The following DAPK1 variants were observed in gnomAD, a reference collection of about 807,000 sequenced individuals.
The protein encoded by DAPK1 is death-associated protein kinase 1.
DAPK1 carries 56 observed loss-of-function variants against 144.9 expected under a neutral mutation model. The observed-to-expected ratio is 0.39, with a 90% CI of 0.31 to 0.48. The LOEUF is 0.48. DAPK1 is among the 20% of genes least tolerant of loss of function. The pLI is 0.95. For missense variants in DAPK1, 1,454 were observed against 1,875.4 expected (o/e 0.78, Z 4.15); for synonymous variants, 690 against 749.0 (o/e 0.92, Z 1.29).
chr9:87,679,924 C>G (rs914831028), intron 19 of DAPK1, among the ~76,000 whole-genome samples: 6 of 152,174 alleles, frequency 3.9e-5, no homozygotes, highest in Admixed American at 1.3e-4. Context: ...GACAGATGCT[C>G]TTGCTGGTCA....
At chr9:87,667,806 C>A (rs1396876704) in intron 18 of DAPK1, 1 of 151,972 alleles carries the variant, frequency 6.6e-6, no homozygotes, top group Non-Finnish European at 1.5e-5. Flanking sequence ...CAGAACAGCC[C>A]CTACATGTCC....
chr9:87,578,087 G>C (rs376405610), intron 2 of DAPK1, among the ~76,000 whole-genome samples: 60 of 152,276 alleles, frequency 3.9e-4, no homozygotes, highest in Non-Finnish European at 7.5e-4. Flanking sequence ...GATTTTAAAT[G>C]TAACTCATGC....
chr9:87,695,340 G>C (rs1489882733), intron 21 of DAPK1, among the ~76,000 whole-genome samples: 2 of 152,206 alleles, frequency 1.3e-5, no homozygotes, highest in African/African-American at 2.4e-5. Flanking sequence ...TAAGCACTGA[G>C]GGGTAAACGA....
At chr9:87,571,476 A>ACACACACCCCAACACACACAC (rs771023885) in intron 2 of DAPK1, among the ~76,000 whole-genome samples, 1 of 48,546 alleles carries the variant, frequency 2.1e-5, no homozygotes, top group African/African-American at 9.2e-5. Flanking sequence ...CACACACACC[A>ACACACACCCCAACACACACAC]ACACACACAC....
intron 2 of DAPK1, among the ~76,000 whole-genome samples, chr9:87,583,398 T>C (rs1827822470): frequency 1.3e-5 from 2 of 152,200 alleles, no homozygotes; most frequent in South Asian, 4.1e-4. Context: ...CACTCAGCAC[T>C]CTACCCTCAA....
chr9:87,640,708 A>G (rs533467154), intron 8 of DAPK1, 94 bp from the exon 9 acceptor site: 22 of 1,342,778 alleles, frequency 1.6e-5, no homozygotes, highest in Admixed American at 1.5e-4. Context: ...CATTTTCCAC[A>G]GTATCTGCTT....
chr9:87,700,759 C>A (rs1244636777), intron 24 of DAPK1, among the ~76,000 whole-genome samples: 1 of 152,078 alleles, frequency 6.6e-6, no homozygotes, highest in Non-Finnish European at 1.5e-5. Context: ...CCTCAGCCTC[C>A]CAAAGTGCTG....
In DAPK1 at chr9:87,646,544, C is replaced by T. The variant is rs773237491; in HGVS notation, c.1215C>T (p.Ile405=). Residue 405 remains isoleucine, a synonymous_variant, in exon 13 of 26, where the codon ATC becomes ATT. Transcript: ENST00000408954. Reference sequence around the variant, plus strand: ...TGCTCATTAAAAGAGGCTCGAGAATCGATGTCCAGGATAAGGTCATAATTG... The same window carrying T: ...TGCTCATTAAAAGAGGCTCGAGAATTGATGTCCAGGATAAGGTCATAATTG... ...LQLLIKRGSR[I]DVQDKGGSNA... 35 of 1,610,128 alleles carry T rather than the reference C, an allele frequency of 2.2e-5. No individual in the cohort carries two copies. The highest frequency in any genetic ancestry group is 2.9e-5 in the Non-Finnish European group (34 of 1,176,432).
At chr9:87,625,526 G>T (rs1829462185) in intron 3 of DAPK1, among the ~76,000 whole-genome samples, 1 of 152,222 alleles carries the variant, frequency 6.6e-6, no homozygotes, top group African/African-American at 2.4e-5. Context: ...ATGGGCTCAG[G>T]CGATCATCAG....
At chr9:87,695,541 G>A (rs1825225985) in intron 21 of DAPK1, among the ~76,000 whole-genome samples, 1 of 152,148 alleles carries the variant, frequency 6.6e-6, no homozygotes, top group Admixed American at 6.5e-5. Context: ...TGGGGAAATG[G>A]GCAGCCTTCA....
At chr9:87,574,465 A>G (rs569829488) in intron 2 of DAPK1, among the ~76,000 whole-genome samples, 201 of 152,322 alleles carry the variant, frequency 1.3e-3, no homozygotes, top group African/African-American at 4.8e-3. Flanking sequence ...ATATCACAGG[A>G]AGTTTGCAGT....
chr9:87,633,166 TG>T, intron 3 of DAPK1: 1 of 983,086 alleles, frequency 1.0e-6, no homozygotes, highest in Non-Finnish European at 1.2e-6. Context: ...TGAGTATATA[TG>T]TAGGGATGAA....
chr9:87,592,706 A>G (rs1174625319), intron 2 of DAPK1, among the ~76,000 whole-genome samples: 2 of 152,086 alleles, frequency 1.3e-5, no homozygotes, highest in Non-Finnish European at 2.9e-5. Context: ...GGGTGAGGTC[A>G]GCCTCGTGGC....
intron 2 of DAPK1, among the ~76,000 whole-genome samples, chr9:87,584,756 A>T (rs1827885135): frequency 6.6e-6 from 1 of 152,058 alleles, no homozygotes; most frequent in Non-Finnish European, 1.5e-5. Flanking sequence ...AGTTCACTGC[A>T]GTCTCCACCT....
At chr9:87,584,743 C>T (rs1158582855) in intron 2 of DAPK1, among the ~76,000 whole-genome samples, 1 of 152,088 alleles carries the variant, frequency 6.6e-6, no homozygotes, top group African/African-American at 2.4e-5. Flanking sequence ...GTGGCATGAT[C>T]TCAGTTCACT....
chr9:87,590,318 C>G (rs1280701891), intron 2 of DAPK1, among the ~76,000 whole-genome samples: 3 of 150,676 alleles, frequency 2.0e-5, no homozygotes, highest in Non-Finnish European at 2.9e-5. Flanking sequence ...AGCTTTGGTT[C>G]CACCTTAACA....
At chr9:87,687,266 A>G (rs1412801869) in intron 21 of DAPK1, among the ~76,000 whole-genome samples, 3 of 152,080 alleles carry the variant, frequency 2.0e-5, no homozygotes, top group African/African-American at 4.8e-5. Flanking sequence ...TAACCAACCT[A>G]TCTTCATTCC....
At chr9:87,543,513 A>C (rs73652033) in intron 2 of DAPK1, among the ~76,000 whole-genome samples, 3,483 of 152,350 alleles carry the variant, frequency 0.023, 134 homozygotes, top group African/African-American at 0.074. Context: ...AAAACAACAC[A>C]ATCAGCCAAA....
chr9:87,509,774 G>A (rs1000711035), intron 2 of DAPK1, among the ~76,000 whole-genome samples: 1 of 152,230 alleles, frequency 6.6e-6, no homozygotes, highest in Non-Finnish European at 1.5e-5. Context: ...TGCTGGGAGT[G>A]ATGCCAGAAT....
Sources: allele counts gnomAD v4.1 joint callset (sites outside exome capture counted in the v4.1 genomes callset), GRCh38; gene constraint gnomAD v4.1.1; transcripts MANE v1.5; gene names NCBI Gene and HGNC (gene_info 2026-07-23, HGNC 2026-07-21).